Variants in KLHL3 observed in about 807,000 individuals in gnomAD.
KLHL3 encodes the protein kelch like family member 3, also known as kelch-like protein 3.
KLHL3 carries 19 observed loss-of-function variants against 70.5 expected under a neutral mutation model. The observed-to-expected ratio is 0.27, with a 90% confidence interval of 0.19 to 0.40. The LOEUF is 0.40. Ranked by LOEUF, KLHL3 falls within the 10% of genes least tolerant of loss-of-function variation. The pLI is 1.00. For synonymous variants in KLHL3, 258 were observed against 290.3 expected, an observed-to-expected ratio of 0.89 and a Z score of 1.13; for missense variants, 512 against 771.1, an observed-to-expected ratio of 0.66 and a Z score of 3.98.
At position 137,720,539 on chromosome 5, in the gene KLHL3, C is replaced by T. The variant is rs369202002; in HGVS notation, c.60G>A (p.Glu20=). The T allele has an allele frequency of 2.2e-5, 36 of 1,614,060 alleles. No individual in the cohort carries two copies. The highest frequency in any genetic ancestry group is 3.0e-5 in the Non-Finnish European group (35 of 1,180,012). ...TGACAGTGATCGTCCTCTGGTTCTT[C>T]TCATCATCCCCAGCCTGTATCAGAG... ...SQTLIQAGDD[E]KNQRTITVNP... Residue 20 remains glutamate (E), a synonymous_variant, in exon 2 of 15, where the codon GAG becomes GAA. Transcript: ENST00000309755.
At chr5:137,642,630 C>T (rs1750943009) in intron 8 of KLHL3, among the ~76,000 whole-genome samples, 1 of 152,096 alleles carries the variant, frequency 6.6e-6, no homozygotes, top group Non-Finnish European at 1.5e-5. Flanking sequence ...GTAAATAGCA[C>T]ATGCAAGGAG....
intron 1 of KLHL3, among the ~76,000 whole-genome samples, chr5:137,724,787 T>G (rs1753060847): frequency 6.6e-6 from 1 of 152,090 alleles, no homozygotes; most frequent in Admixed American, 6.6e-5. Flanking sequence ...AACTCTAACC[T>G]TCCAGAGAAC....
intron 2 of KLHL3, among the ~76,000 whole-genome samples, chr5:137,713,415 A>G (rs1752835291): frequency 6.6e-6 from 1 of 152,224 alleles, no homozygotes; most frequent in Admixed American, 6.5e-5. Context: ...AGGTAGCAAG[A>G]TCATTCAACT....
At chr5:137,687,157 C>A (rs1266614554) in intron 5 of KLHL3, among the ~76,000 whole-genome samples, 1 of 33,092 alleles carries the variant, frequency 3.0e-5, no homozygotes, top group Non-Finnish European at 5.9e-5. Flanking sequence ...CCGCCCCGTC[C>A]GGGAGGTGAG....
chr5:137,701,787 G>A (rs1247437995), intron 3 of KLHL3, among the ~76,000 whole-genome samples: 3 of 152,154 alleles, frequency 2.0e-5, no homozygotes, highest in Admixed American at 6.5e-5. Context: ...AACAGAAGAT[G>A]AGCCCTGTAA....
intron 1 of KLHL3, among the ~76,000 whole-genome samples, chr5:137,730,095 GAAC>G (rs1398024570): frequency 6.6e-6 from 1 of 152,106 alleles, no homozygotes; most frequent in Non-Finnish European, 1.5e-5. Context: ...TTTATCTTCA[GAAC>G]AACCCTAGGA....
chr5:137,682,278 A>G (rs1300616839), intron 5 of KLHL3, among the ~76,000 whole-genome samples: 1 of 151,990 alleles, frequency 6.6e-6, no homozygotes, highest in Non-Finnish European at 1.5e-5. Context: ...GCCCAATTAT[A>G]ATAACAAATA....
chr5:137,649,087 G>A (rs1453331570), intron 8 of KLHL3, among the ~76,000 whole-genome samples: 1 of 152,198 alleles, frequency 6.6e-6, no homozygotes, highest in African/African-American at 2.4e-5. Context: ...TAATAAAACA[G>A]TTCAGAGCAC....
At chr5:137,731,109 T>C (rs1467878952) in intron 1 of KLHL3, among the ~76,000 whole-genome samples, 1 of 152,098 alleles carries the variant, frequency 6.6e-6, no homozygotes, top group Admixed American at 6.6e-5. Context: ...ACAAAAATTA[T>C]CTTGTCCAGA....
At chr5:137,685,855 A>C (rs1195639330) in intron 5 of KLHL3, among the ~76,000 whole-genome samples, 1 of 152,242 alleles carries the variant, frequency 6.6e-6, no homozygotes, top group Non-Finnish European at 1.5e-5. Flanking sequence ...GAAAGCATAC[A>C]TATACAATGA....
chr5:137,655,433 CA>C (rs1751312514), intron 8 of KLHL3, among the ~76,000 whole-genome samples: 1 of 151,976 alleles, frequency 6.6e-6, no homozygotes, highest in Non-Finnish European at 1.5e-5. Context: ...AAATGTAAAA[CA>C]AAAATTATAA....
At chr5:137,648,498 C>T (rs182850744) in intron 8 of KLHL3, among the ~76,000 whole-genome samples, 1 of 152,352 alleles carries the variant, frequency 6.6e-6, no homozygotes, top group East Asian at 1.9e-4. Context: ...TTGCTGCCAT[C>T]TGTGGAACAG....
chr5:137,641,195 A>G (rs1750906436), intron 8 of KLHL3, among the ~76,000 whole-genome samples: 1 of 152,246 alleles, frequency 6.6e-6, no homozygotes, highest in Admixed American at 6.5e-5. Context: ...GCATTCCAAT[A>G]TGCTTTCTTG....
intron 3 of KLHL3, among the ~76,000 whole-genome samples, chr5:137,707,158 G>A (rs1046779473): frequency 6.6e-6 from 1 of 152,198 alleles, no homozygotes; most frequent in African/African-American, 2.4e-5. Context: ...ATTTAGGCTG[G>A]GAGCAGTGGC....
At chr5:137,693,335 A>G (rs1452129282) in intron 4 of KLHL3, among the ~76,000 whole-genome samples, 1 of 152,230 alleles carries the variant, frequency 6.6e-6, no homozygotes, top group African/African-American at 2.4e-5. Flanking sequence ...ACACATGACT[A>G]TTTATACTAT....
At chr5:137,664,046 A>G (rs1751552222) in intron 6 of KLHL3, among the ~76,000 whole-genome samples, 2 of 151,906 alleles carry the variant, frequency 1.3e-5, no homozygotes, top group African/African-American at 4.8e-5. Flanking sequence ...AATATTCTTA[A>G]TTTTTTTTTA....
intron 2 of KLHL3, 142 bp downstream of exon 2, chr5:137,720,322 GA>G: frequency 1.1e-6 from 1 of 919,922 alleles, no homozygotes; most frequent in Non-Finnish European, 1.6e-6. Flanking sequence ...AAGAGAGAAA[GA>G]AAGGGGAACT....
chr5:137,678,754 T>G (rs940190278), intron 5 of KLHL3, among the ~76,000 whole-genome samples: 7 of 151,966 alleles, frequency 4.6e-5, no homozygotes, highest in Non-Finnish European at 8.8e-5. Flanking sequence ...TTCATCCAGA[T>G]TCCCTAAACG....
chr5:137,626,498 G>A (rs960466723), intron 13 of KLHL3, among the ~76,000 whole-genome samples: 3 of 152,178 alleles, frequency 2.0e-5, no homozygotes, highest in African/African-American at 7.2e-5. Flanking sequence ...CTAAGGCATA[G>A]GAAAATGTAA....
Sources: allele counts gnomAD v4.1 joint callset (sites outside exome capture counted in the v4.1 genomes callset), GRCh38; gene constraint gnomAD v4.1.1; transcripts MANE v1.5; gene names NCBI Gene and HGNC (gene_info 2026-07-23, HGNC 2026-07-21).